SDE2: variants seen among roughly 807,000 people sequenced by gnomAD.
The protein encoded by SDE2 is spliceosome associated SDE2.
SDE2 carries 31 observed loss-of-function variants against 46.9 expected under a neutral mutation model. The ratio of observed to expected loss-of-function variants is 0.66; its 90% confidence interval spans 0.50 to 0.89. The LOEUF (loss-of-function observed/expected upper bound fraction) is 0.89, where lower values mean the gene tolerates loss of function less well. SDE2 is among the 40% of genes least tolerant of loss of function. The pLI is 0.00. For missense variants in SDE2, 542 were observed against 564.4 expected (o/e 0.96, Z 0.40); for synonymous variants, 205 against 204.3 (o/e 1.00, Z -0.03).
At chr1:225,996,027 A>G (rs534234027) in intron 1 of SDE2, among the ~76,000 whole-genome samples, 1 of 152,326 alleles carries the variant, frequency 6.6e-6, no homozygotes, top group South Asian at 2.1e-4. Flanking sequence ...AAGGAAATAC[A>G]GAATTACCAA....
At chr1:225,995,786 C>A (rs751243849) in intron 1 of SDE2, among the ~76,000 whole-genome samples, 4 of 152,032 alleles carry the variant, frequency 2.6e-5, no homozygotes, top group Non-Finnish European at 4.4e-5. Flanking sequence ...CTAAAAAGTG[C>A]AGGTAGGAAT....
In SDE2 at chr1:225,983,341, C is replaced by T. The variant is rs1429017164; in HGVS notation, c.*1961G>A. The T allele has an allele frequency of 6.6e-6, 1 of 152,102 alleles. No individual in the cohort carries two copies. Among genetic ancestry groups the T allele is most frequent in the Non-Finnish European group, 1.5e-5 (1 of 68,014 alleles). 9.4% of individuals were successfully genotyped at this position (152,102 alleles called of 1,614,324 possible). A position where few individuals can be genotyped will look rare whatever the true frequency, so the allele number is the denominator to read the frequency against. ...TAAAATGGTCAATACATTAGGAAGA[C>T]ATAAGTTATTAGAGCTTCATACAAA... On this transcript the variant is annotated 3_prime_UTR_variant, in exon 7 of 7. Coordinates refer to ENST00000272091, the MANE Select transcript of SDE2 (RefSeq NM_152608.4).
Position 225,990,487 on chromosome 1 carries a change from A to G in SDE2, c.641+756T>C, listed in dbSNP as rs558589899. On this transcript the variant is annotated intron_variant, in intron 5 of 6. Coordinates refer to ENST00000272091, the MANE Select transcript of SDE2 (RefSeq NM_152608.4). Reference sequence around the variant, plus strand: ...TGATGGTAACGTGACTATATAGTACATATACATTTTTCAAAAGTCGTAGAA... The same window carrying G: ...TGATGGTAACGTGACTATATAGTACGTATACATTTTTCAAAAGTCGTAGAA... Among the ~76,000 whole-genome samples, 6 of 152,292 alleles carry G rather than the reference A, an allele frequency of 3.9e-5. No homozygotes were observed. In the South Asian group the frequency reaches 1.2e-3, roughly 32 times the overall value.
chr1:225,991,445 A>G (rs1656400062), intron 4 of SDE2, 82 bp from the exon 5 acceptor site: 2 of 1,091,212 alleles, frequency 1.8e-6, no homozygotes, highest in African/African-American at 1.6e-5. Context: ...TTGCAAAAAG[A>G]GCTGCAATCT....
intron 5 of SDE2, among the ~76,000 whole-genome samples, chr1:225,989,307 A>AATAAT (rs1553256377): frequency 7.4e-6 from 1 of 134,390 alleles, no homozygotes; most frequent in African/African-American, 2.9e-5. Flanking sequence ...AAAAAAAAAA[A>AATAAT]AATAATAATA....
Position 225,995,301 on chromosome 1 carries a change from T to G in SDE2, c.203A>C (p.Tyr68Ser), listed in dbSNP as rs1224263482. 6.2e-7 allele frequency: 1 copy of G among 1,612,082 alleles called. No homozygotes were observed. The highest frequency in any genetic ancestry group is 1.3e-5 in the African/African-American group (1 of 75,028). Residue 68 changes from tyrosine (Y) to serine (S), a missense_variant, in exon 2 of 7, where the codon TAT becomes TCT. Physicochemically the swap from Tyr to Ser is moderately radical, Grantham distance 144 (BLOSUM62 -2). This residue lies in a region of SDE2 where 135 missense variants were observed against 106.5 expected (regional missense o/e 1.27). Transcript: ENST00000272091. ...TSDTVQHGAV[Y>S]SLEPRLCGGK... ...ACCGCAAAGTCTGGGTTCCAAACTA[T>G]AAACAGCTCCATGCTGCACTGTGTC...
At chr1:225,994,905 A>G (rs1032306213) in intron 2 of SDE2, among the ~76,000 whole-genome samples, 2 of 152,168 alleles carry the variant, frequency 1.3e-5, no homozygotes, top group Non-Finnish European at 2.9e-5. Flanking sequence ...TTAGCTGCGC[A>G]TGGTGGCATG....
intron 1 of SDE2, among the ~76,000 whole-genome samples, chr1:225,997,963 C>T (rs1279103049): frequency 6.6e-6 from 1 of 151,960 alleles, no homozygotes; most frequent in African/African-American, 2.4e-5. Context: ...CCCGTCTCTA[C>T]TAAAAATACA....
rs1656599661 is a variant in SDE2, at chr1:225,999,229, G to A, written c.84C>T (p.Thr28=). 6.8e-6 allele frequency: 11 copies of A among 1,612,836 alleles called. No individual in the cohort carries two copies. In the East Asian group the frequency reaches 1.3e-4, roughly 20 times the overall value. ...KAVRCASGRC[T]VRDFIHRHCQ... Reference sequence around the variant, plus strand: ...AGTGCCGGTGGATAAAATCCCGGACGGTGCACCGACCCGAGGCACACCGCA... The same window carrying A: ...AGTGCCGGTGGATAAAATCCCGGACAGTGCACCGACCCGAGGCACACCGCA... The change falls in exon 1 of 7, where the codon ACC becomes ACT. Residue 28 remains threonine, a synonymous_variant. Transcript: ENST00000272091.
intron 2 of SDE2, 72 bp from the exon 3 acceptor site, chr1:225,993,074 C>A (rs1576176371): frequency 1.4e-5 from 9 of 647,622 alleles, no homozygotes; most frequent in Non-Finnish European, 2.2e-5. Flanking sequence ...TTTGTGAAAA[C>A]AATCTGTATC....
At chr1:225,999,166 C>T (rs1176583513) in intron 1 of SDE2, 27 bp downstream of exon 1, 4 of 1,596,784 alleles carry the variant, frequency 2.5e-6, no homozygotes, top group Non-Finnish European at 3.4e-6. Context: ...CCTCTTTCTC[C>T]TTCCTAACAG....
At chr1:225,986,605 T>C (rs941689838) in intron 6 of SDE2, among the ~76,000 whole-genome samples, 4 of 152,208 alleles carry the variant, frequency 2.6e-5, no homozygotes, top group African/African-American at 9.7e-5. Flanking sequence ...ACTTGGTTGT[T>C]AGGAATACAA....
rs1431760364 is a variant in SDE2, at chr1:225,983,191, AAATT to A, written c.*2107_*2110del. On this transcript the variant is annotated 3_prime_UTR_variant, in exon 7 of 7. Coordinates refer to ENST00000272091, the MANE Select transcript of SDE2 (RefSeq NM_152608.4). The stretch of plus-strand genomic sequence containing the variant: ...TTAAATAGGCACAGAAGCACAAAGT[AAATT>A]AATAGAAAGAGGTATACTGTGCAAA... The A allele has an allele frequency of 2.0e-5, 3 of 152,224 alleles. No individual in the cohort carries two copies. The highest frequency in any genetic ancestry group is 4.4e-5 in the Non-Finnish European group (3 of 68,036). The allele number at this position is 152,224 out of a possible 1,614,324, so 9.4% of individuals were successfully genotyped here. A position where few individuals can be genotyped will look rare whatever the true frequency, so the allele number is the denominator to read the frequency against.
intron 6 of SDE2, among the ~76,000 whole-genome samples, chr1:225,987,002 T>C (rs1272167577): frequency 2.0e-5 from 3 of 152,204 alleles, no homozygotes; most frequent in Non-Finnish European, 2.9e-5. Context: ...TTGTAGATAG[T>C]GAAAAACCAA....
chr1:225,992,052 G>A lies in SDE2; in HGVS notation c.520+346C>T, dbSNP rs144814281. Reference sequence around the variant, plus strand: ...AAATTAGCCAGGCGTGGTGGCGTGTGCCTGTAATCCCAGCTACTCTGGAGG... The same window carrying A: ...AAATTAGCCAGGCGTGGTGGCGTGTACCTGTAATCCCAGCTACTCTGGAGG... On this transcript the variant is annotated intron_variant, in intron 4 of 6. Coordinates refer to ENST00000272091, the MANE Select transcript of SDE2 (RefSeq NM_152608.4). Among the ~76,000 whole-genome samples, 1,202 of 152,168 alleles carry A rather than the reference G, an allele frequency of 7.9e-3. 5 individuals are homozygous for A. The highest frequency in any genetic ancestry group is 0.024 in the Middle Eastern group (7 of 294).
chr1:225,993,111 C>CT (rs869139382), intron 2 of SDE2, 109 bp from the exon 3 acceptor site: 10 of 311,552 alleles, frequency 3.2e-5, no homozygotes, highest in Middle Eastern at 5.3e-4. Context: ...TCTCTACTTT[C>CT]TTTCTTTTTT....
chr1:225,995,680 CTA>C (rs1656506707), intron 1 of SDE2, among the ~76,000 whole-genome samples: 1 of 152,126 alleles, frequency 6.6e-6, no homozygotes, highest in South Asian at 2.1e-4. Context: ...AGGTAGAAGA[CTA>C]TGCAGGACTC....
At position 225,988,152 on chromosome 1, in the gene SDE2, A is replaced by G. The variant is rs773363376; in HGVS notation, c.878T>C (p.Ile293Thr). The G allele has an allele frequency of 5.0e-6, 8 of 1,614,046 alleles. No individual in the cohort carries two copies. The East Asian group carries it at 1.8e-4, about 36-fold the overall frequency. Residue 293 changes from isoleucine (I) to threonine (T), a missense_variant, in exon 6 of 7, where the codon ATT becomes ACT. By Grantham distance (89) the Ile-to-Thr change is moderately conservative (BLOSUM62 -1). Transcript: ENST00000272091. ...QIPVTDSGRH[I>T]LEDSCAELGE... ...CAGCTCAGCACATGAGTCTTCTAAAATATGCCTCCCAGAGTCAGTCACCGG... is the reference window on the plus strand; with the variant it reads ...CAGCTCAGCACATGAGTCTTCTAAAGTATGCCTCCCAGAGTCAGTCACCGG...
intron 5 of SDE2, among the ~76,000 whole-genome samples, chr1:225,989,350 C>T (rs868481515): frequency 4.0e-5 from 6 of 149,970 alleles, no homozygotes; most frequent in South Asian, 2.1e-4. Context: ...AAAATCCATC[C>T]GGGCATGGTG....
Sources: allele counts gnomAD v4.1 joint callset (sites outside exome capture counted in the v4.1 genomes callset), GRCh38; gene constraint gnomAD v4.1.1; regional missense constraint gnomAD v4.1.1; transcripts MANE v1.5; gene names NCBI Gene and HGNC (gene_info 2026-07-23, HGNC 2026-07-21).